Variants in VANGL1 observed in about 807,000 individuals in gnomAD.
VANGL1 encodes VANGL planar cell polarity protein 1.
Under a neutral mutation model 48.4 loss-of-function variants are expected in VANGL1, and 18 were observed. The ratio of observed to expected loss-of-function variants is 0.37; its 90% CI spans 0.26 to 0.55. The LOEUF is 0.55. VANGL1 is among the 20% of genes least tolerant of loss of function. The probability of loss-of-function intolerance (pLI) is 0.81; values close to 1 mark genes in which losing one functional copy is unlikely to be tolerated. For synonymous variants in VANGL1, 257 were observed against 261.8 expected, an observed-to-expected ratio of 0.98 and a Z score of 0.18; for missense variants, 667 against 675.8, an observed-to-expected ratio of 0.99 and a Z score of 0.14.
At chr1:115,644,467 G>A (rs1048252779) in intron 1 of VANGL1, among the ~76,000 whole-genome samples, 1 of 152,162 alleles carries the variant, frequency 6.6e-6, no homozygotes, top group African/African-American at 2.4e-5. Context: ...TCCTTAAGAT[G>A]GAAAAGATTA....
chr1:115,683,886 G>A, intron 5 of VANGL1, 58 bp from the exon 6 acceptor site: 1 of 1,599,774 alleles, frequency 6.3e-7, no homozygotes, highest in Non-Finnish European at 8.5e-7. Context: ...CTAGTTTTCT[G>A]CTCTGTTTCC....
chr1:115,664,357 T>C lies in VANGL1; in HGVS notation c.812+89T>C, dbSNP rs545249811. 4 of 1,532,472 alleles carry C rather than the reference T, an allele frequency of 2.6e-6. No individual in the cohort carries two copies. The African/African-American group carries it at 4.1e-5, about 16-fold the overall frequency. The allele number at this position is 1,532,472 out of a possible 1,614,324, so 94.9% of individuals were successfully genotyped here. A position where few individuals can be genotyped will look rare whatever the true frequency, so the allele number is the denominator to read the frequency against. Reference sequence around the variant, plus strand: ...GTAGCACGTGAGGGGTGGTGACAGATGCCAAGAGCTAGGACCAGAGTCTGA... The same window carrying C: ...GTAGCACGTGAGGGGTGGTGACAGACGCCAAGAGCTAGGACCAGAGTCTGA... On this transcript the variant is annotated intron_variant, in intron 4 of 7. Coordinates refer to ENST00000355485, the MANE Select transcript of VANGL1 (RefSeq NM_138959.3).
At position 115,696,444 on chromosome 1, in the gene VANGL1, T is replaced by C. The variant is rs930557875; in HGVS notation, c.*5065T>C. 2 of 152,232 alleles carry C rather than the reference T, an allele frequency of 1.3e-5. No individual in the cohort carries two copies. The highest frequency in any genetic ancestry group is 4.8e-5 in the African/African-American group (2 of 41,470). 9.4% of individuals were successfully genotyped at this position (152,232 alleles called of 1,614,324 possible). A position where few individuals can be genotyped will look rare whatever the true frequency, so the allele number is the denominator to read the frequency against. On this transcript the variant is annotated 3_prime_UTR_variant, in exon 8 of 8. Transcript: ENST00000355485. ...AACAGGACTCAGAAAACCATTTTTCTCTGTTCCCATATGTAGTAAGTTTTG... is the reference window on the plus strand; with the variant it reads ...AACAGGACTCAGAAAACCATTTTTCCCTGTTCCCATATGTAGTAAGTTTTG...
chr1:115,680,939 G>C (rs1653359683), intron 4 of VANGL1, among the ~76,000 whole-genome samples: 1 of 152,148 alleles, frequency 6.6e-6, no homozygotes, highest in African/African-American at 2.4e-5. Flanking sequence ...AAAATCCAAA[G>C]GGCAAGATAA....
chr1:115,668,634 C>T (rs1218584332), intron 4 of VANGL1, among the ~76,000 whole-genome samples: 2 of 152,224 alleles, frequency 1.3e-5, no homozygotes, highest in Non-Finnish European at 2.9e-5. Context: ...TTGGGCTCAG[C>T]CAGGAGGTTC....
intron 7 of VANGL1, among the ~76,000 whole-genome samples, chr1:115,689,217 A>G (rs1331273612): frequency 7.2e-6 from 1 of 137,984 alleles, no homozygotes; most frequent in Admixed American, 7.5e-5. Context: ...CTTATGATTC[A>G]TAGGAGCTGT....
At position 115,691,350 on chromosome 1, in the gene VANGL1, C is replaced by G; in HGVS notation, c.1546C>G (p.Leu516Val). 6.2e-7 allele frequency: 1 copy of G among 1,613,974 alleles called. No individual in the cohort carries two copies. The highest frequency in any genetic ancestry group is 8.5e-7 in the Non-Finnish European group (1 of 1,180,008). Residue 516 changes from leucine (L) to valine (V), a missense_variant, in exon 8 of 8, where the codon CTT becomes GTT. Leu to Val is a conservative substitution (Grantham distance 32, BLOSUM62 1). Transcript: ENST00000355485. ...FIDPKSHKFV[L>V]RLQSETSV The stretch of plus-strand genomic sequence containing the variant: ...AGACCCCAAATCTCACAAATTTGTC[C>G]TTCGCTTACAGTCTGAGACATCCGT...
chr1:115,680,026 TGA>T (rs146370842), intron 4 of VANGL1, among the ~76,000 whole-genome samples: 5,949 of 97,372 alleles, frequency 0.061, 447 homozygotes, highest in African/African-American at 0.2. Flanking sequence ...TGTGTGTATG[TGA>T]GAGAGAGAGA....
intron 2 of VANGL1, among the ~76,000 whole-genome samples, chr1:115,651,879 C>T (rs568796125): frequency 6.6e-6 from 1 of 152,238 alleles, no homozygotes; most frequent in South Asian, 2.1e-4. Flanking sequence ...GCCTCAGCCT[C>T]CCGAGTAGCT....
rs544148926 is a variant in VANGL1, at chr1:115,677,933, G to T, written c.813-4431G>T. ...GTCTAGAGATTGGGGTTTGTAGAAGGATTTGCTTTTGTTCATCTCTGGGGC... is the reference window on the plus strand; with the variant it reads ...GTCTAGAGATTGGGGTTTGTAGAAGTATTTGCTTTTGTTCATCTCTGGGGC... On this transcript the variant is annotated intron_variant, in intron 4 of 7. Transcript: ENST00000355485. Among the ~76,000 whole-genome samples, 3 of 152,326 alleles carry T rather than the reference G, an allele frequency of 2.0e-5. No individual in the cohort carries two copies. In the East Asian group the frequency reaches 5.8e-4, roughly 29 times the overall value.
At chr1:115,673,748 T>C (rs1374476887) in intron 4 of VANGL1, among the ~76,000 whole-genome samples, 1 of 151,932 alleles carries the variant, frequency 6.6e-6, no homozygotes. Context: ...TACAGATGCA[T>C]GCCACCACAC....
At chr1:115,646,065 C>A (rs1180366478) in intron 1 of VANGL1, among the ~76,000 whole-genome samples, 1 of 152,152 alleles carries the variant, frequency 6.6e-6, no homozygotes, top group Non-Finnish European at 1.5e-5. Context: ...TTGCTAAACA[C>A]TGTGTTTTCA....
intron 1 of VANGL1, among the ~76,000 whole-genome samples, chr1:115,649,508 C>A (rs1652068390): frequency 6.6e-6 from 1 of 152,206 alleles, no homozygotes; most frequent in South Asian, 2.1e-4. Context: ...GCATTTCTCT[C>A]ATTAAAAAGA....
chr1:115,684,128 T>TTTCATTTA, intron 6 of VANGL1, 52 bp downstream of exon 6: 1 of 1,386,432 alleles, frequency 7.2e-7, no homozygotes, highest in Non-Finnish European at 9.6e-7. Flanking sequence ...TAAATTTTTA[T>TTTCATTTA]TTTATTTATT....
At chr1:115,666,910 C>T (rs773394805) in intron 4 of VANGL1, among the ~76,000 whole-genome samples, 21 of 152,206 alleles carry the variant, frequency 1.4e-4, no homozygotes, top group Non-Finnish European at 2.5e-4. Flanking sequence ...ATTGTGTGGG[C>T]CTGGTCACCT....
In VANGL1 at chr1:115,685,375, A is replaced by T; in HGVS notation, c.1162A>T (p.Met388Leu). 6.2e-7 allele frequency: 1 copy of T among 1,614,078 alleles called. No individual in the cohort carries two copies. The highest frequency in any genetic ancestry group is 1.6e-4 in the Middle Eastern group (1 of 6,062). Residue 388 changes from methionine to leucine, a missense_variant, in exon 7 of 8, where the codon ATG becomes TTG. By Grantham distance (15) the Met-to-Leu change is conservative. Coordinates refer to ENST00000355485, the MANE Select transcript of VANGL1 (RefSeq NM_138959.3). Reference protein sequence around the residue: ...EEQQKAPGEVMDPREAAQAIF... With the variant: ...EEQQKAPGEVLDPREAAQAIF... Reference sequence around the variant, plus strand: ...GCAGCAGAAAGCCCCAGGGGAGGTGATGGACCCTAGGGAGGCCGCCCAGGC... The same window carrying T: ...GCAGCAGAAAGCCCCAGGGGAGGTGTTGGACCCTAGGGAGGCCGCCCAGGC...
chr1:115,691,053 C>T lies in VANGL1; in HGVS notation c.1315-66C>T, dbSNP rs182162030. 1,099 of 1,611,086 alleles carry T rather than the reference C, an allele frequency of 6.8e-4. 1 individual carries two copies. Among genetic ancestry groups the T allele is most frequent in the Non-Finnish European group, 6.7e-4 (784 of 1,178,294 alleles). ...CTTTATAGATGTGAGAGTGGATAGC[C>T]GCCTGGCAGTACTGCCCTTAAAACA... On this transcript the variant is annotated intron_variant, in intron 7 of 7. Coordinates refer to ENST00000355485, the MANE Select transcript of VANGL1 (RefSeq NM_138959.3).
At position 115,664,041 on chromosome 1, in the gene VANGL1, C is replaced by T; in HGVS notation, c.585C>T (p.Leu195=). 1 of 1,614,162 alleles carries T rather than the reference C, an allele frequency of 6.2e-7. No individual in the cohort carries two copies. The highest frequency in any genetic ancestry group is 8.5e-7 in the Non-Finnish European group (1 of 1,180,036). ...CCCTTTTGTTGGTCCTCATCTTTCT[C>T]TTTGTGGTTTCCTATTGGCTTTTTT... ...FRALLLVLIF[L]FVVSYWLFYG... is the part of the protein sequence containing the mutation. The change falls in exon 4 of 8, where the codon CTC becomes CTT. Residue 195 remains leucine (L), a synonymous_variant. Coordinates refer to ENST00000355485, the MANE Select transcript of VANGL1 (RefSeq NM_138959.3).
intron 1 of VANGL1, 55 bp downstream of exon 1, chr1:115,642,141 T>G (rs1651755547): frequency 6.6e-6 from 1 of 151,524 alleles, no homozygotes; most frequent in Non-Finnish European, 1.5e-5. Context: ...GGGCAGACCG[T>G]TGGCTGGGAG....
Sources: gnomAD v4.1 joint callset for allele counts (sites outside exome capture counted in the v4.1 genomes callset) on GRCh38, gnomAD v4.1.1 for gene constraint, MANE v1.5 for transcripts, NCBI Gene and HGNC (gene_info 2026-07-23, HGNC 2026-07-21) for gene names.